Variants in ZNF853 observed in about 807,000 individuals in gnomAD.
ZNF853 encodes the protein zinc finger protein 853.
Under a neutral mutation model 94.7 loss-of-function variants are expected in ZNF853, and 57 were observed. The observed-to-expected ratio is 0.60, with a 90% CI of 0.49 to 0.75. The LOEUF is 0.75. Among genes scored for constraint, ZNF853 ranks in the 30% least tolerant of loss-of-function variants. The pLI is 0.00. For missense variants in ZNF853, 785 were observed against 868.9 expected (o/e 0.90, Z 1.21); for synonymous variants, 448 against 406.3 (o/e 1.10, Z -1.23).
At position 6,617,265 on chromosome 7, in the gene ZNF853, C is replaced by A; in HGVS notation, c.88C>A (p.Gln30Lys). 1.3e-6 allele frequency: 2 copies of A among 1,525,718 alleles called. No homozygotes were observed. The highest frequency in any genetic ancestry group is 1.8e-6 in the Non-Finnish European group (2 of 1,133,100). The allele number at this position is 1,525,718 out of a possible 1,614,324, so 94.5% of individuals were successfully genotyped here. A position where few individuals can be genotyped will look rare whatever the true frequency, so the allele number is the denominator to read the frequency against. Residue 30 changes from glutamine (Q) to lysine (K), a missense_variant, in exon 2 of 3, where the codon CAA (glutamine) becomes AAA (lysine). Transcript: ENST00000457543. ...CACCGAGACCTTCGTGCTGGAACTT[C>A]AATGTCTTGAGGATGGGGGCCCAGG... ...PATETFVLEL[Q>K]CLEDGGPGPD...
At chr7:6,617,730 G>A in intron 2 of ZNF853, 4 of 796,536 alleles carry the variant, frequency 5.0e-6, no homozygotes, top group Non-Finnish European at 4.6e-6. Context: ...CTTCTCCCCT[G>A]TGGCCTCGTA....
rs1157351541 is a variant in ZNF853 at position 6,621,923 on chromosome 7, C to T, written c.932C>T (p.Pro311Leu). The T allele has an allele frequency of 6.4e-7, 1 of 1,551,202 alleles. No homozygotes were observed. Among genetic ancestry groups the T allele is most frequent in the Non-Finnish European group, 8.7e-7 (1 of 1,146,938 alleles). Residue 311 changes from proline (P) to leucine (L), a missense_variant, in exon 3 of 3, where the codon CCC becomes CTC. Coordinates refer to ENST00000457543, the MANE Select transcript of ZNF853 (RefSeq NM_017560.3). ...QLQQQQLQPP[P>L]LEPEEEEEVE... ...CAGCAGCAACAACTGCAGCCTCCTC[C>T]CCTGGAGCCCGAGGAGGAGGAAGAG...
chr7:6,619,149 C>G, intron 2 of ZNF853, among the ~76,000 whole-genome samples: 2 of 151,524 alleles, frequency 1.3e-5, no homozygotes, highest in Non-Finnish European at 2.9e-5. Flanking sequence ...AAGCAGTTCT[C>G]CTGCTGCAGC....
In ZNF853 at chr7:6,621,417, C is replaced by A. The variant is rs1430106214; in HGVS notation, c.426C>A (p.His142Gln). 6.4e-7 allele frequency: 1 copy of A among 1,551,730 alleles called. No homozygotes were observed. The highest frequency in any genetic ancestry group is 2.4e-5 in the East Asian group (1 of 40,924). Residue 142 changes from histidine (H) to glutamine (Q), a missense_variant, in exon 3 of 3, where the codon CAC becomes CAA. Transcript: ENST00000457543. The stretch of plus-strand genomic sequence containing the variant: ...AACAGGAAAAACACCAATCCGTGCA[C>A]CATCAGGAACTGAAACCAGAACTGC... ...QLQQEKHQSV[H>Q]HQELKPELQL...
At position 6,621,203 on chromosome 7, in the gene ZNF853, C is replaced by G. The variant is rs1782591479; in HGVS notation, c.212C>G (p.Ala71Gly). The change falls in exon 3 of 3, where the codon GCC (alanine) becomes GGC (glycine). Residue 71 changes from alanine to glycine, a missense_variant. Ala to Gly is a moderately conservative substitution (Grantham distance 60, BLOSUM62 0). Transcript: ENST00000457543. ...AGTCCACAGCGGCCAGCAGTCTCGG[C>G]CCCAGTGGGGGCCAGTGAAATCGCT... ...NSSPQRPAVSAPVGASEIAEE... is the reference protein window; with the variant it reads ...NSSPQRPAVSGPVGASEIAEE... 1 of 1,527,334 alleles carries G rather than the reference C, an allele frequency of 6.5e-7. No individual in the cohort carries two copies. The highest frequency in any genetic ancestry group is 8.8e-7 in the Non-Finnish European group (1 of 1,135,040). 94.6% of individuals were successfully genotyped at this position (1,527,334 alleles called of 1,614,324 possible).
intron 2 of ZNF853, among the ~76,000 whole-genome samples, chr7:6,619,032 ATTTTTTTTTT>A: frequency 2.0e-4 from 17 of 86,874 alleles, no homozygotes; most frequent in African/African-American, 8.1e-4. Flanking sequence ...CCCTTGGTGG[ATTTTTTTTTT>A]TTTTTTTTTT....
chr7:6,616,286 C>T, intron 1 of ZNF853, 100 bp downstream of exon 1: 1 of 1,252,040 alleles, frequency 8.0e-7, no homozygotes, highest in South Asian at 1.4e-5. Context: ...GGGAGAGGGG[C>T]CAGCTCTGCA....
In ZNF853 at chr7:6,621,570, G is replaced by C; in HGVS notation, c.579G>C (p.Gln193His). 1 of 1,551,630 alleles carries C rather than the reference G, an allele frequency of 6.4e-7. No homozygotes were observed. Among genetic ancestry groups the C allele is most frequent in the South Asian group, 1.2e-5 (1 of 84,046 alleles). The change falls in exon 3 of 3, where the codon CAG (glutamine) becomes CAC (histidine). Residue 193 changes from glutamine to histidine, a missense_variant. Gln to His is a conservative substitution (Grantham distance 24, BLOSUM62 0). Coordinates refer to ENST00000457543, the MANE Select transcript of ZNF853 (RefSeq NM_017560.3). The stretch of plus-strand genomic sequence containing the variant: ...AACAGGTATTGCAGCAGCAGGAACA[G>C]CTACAGCAGCAAGTGCAAGAGCAAC... ...QEQQVLQQQE[Q>H]LQQQVQEQQL... is the part of the protein sequence containing the mutation.
intron 1 of ZNF853, among the ~76,000 whole-genome samples, chr7:6,616,505 C>T: frequency 6.6e-6 from 1 of 152,072 alleles, no homozygotes; most frequent in Non-Finnish European, 1.5e-5. Flanking sequence ...TTTAGGAGGC[C>T]GAGGCAGGAG....
At chr7:6,617,914 G>A in intron 2 of ZNF853, among the ~76,000 whole-genome samples, 1 of 152,128 alleles carries the variant, frequency 6.6e-6, no homozygotes, top group Non-Finnish European at 1.5e-5. Flanking sequence ...GTGCTTTAAG[G>A]GTGCTGAGTG....
Position 6,623,664 on chromosome 7 carries a change from C to T in ZNF853, c.*693C>T, listed in dbSNP as rs1376142700. 6 of 243,338 alleles carry T rather than the reference C, an allele frequency of 2.5e-5. No individual in the cohort carries two copies. The highest frequency in any genetic ancestry group is 3.9e-5 in the Non-Finnish European group (5 of 128,018). The allele number at this position is 243,338 out of a possible 1,614,324, so 15.1% of individuals were successfully genotyped here. A position where few individuals can be genotyped will look rare whatever the true frequency, so the allele number is the denominator to read the frequency against. On this transcript the variant is annotated 3_prime_UTR_variant, in exon 3 of 3. Coordinates refer to ENST00000457543, the MANE Select transcript of ZNF853 (RefSeq NM_017560.3). ...CTTCCCTCCAGGGAACCAGGGGCTC[C>T]GGCGGGCATCGGAGGCAGCTTCTTG...
rs1261811486 is a variant in ZNF853 at position 6,615,668 on chromosome 7, G to A, written c.-507G>A. 2.1e-5 allele frequency: 3 copies of A among 145,074 alleles called. No individual in the cohort carries two copies. The highest frequency in any genetic ancestry group is 6.8e-5 in the Admixed American group (1 of 14,660). 9.0% of individuals were successfully genotyped at this position (145,074 alleles called of 1,614,324 possible). On this transcript the variant is annotated 5_prime_UTR_variant, in exon 1 of 3. Coordinates refer to ENST00000457543, the MANE Select transcript of ZNF853 (RefSeq NM_017560.3). This position sits in a 1 kb window ranked among gnomAD's most constrained non-coding sequence, Gnocchi z 8.5. The stretch of plus-strand genomic sequence containing the variant: ...ACTCCCGGGCGGGCGGGCGAGCCCA[G>A]GGGGACCCGGCCTTGCCGCGGCGCC...
rs957439155 is a variant in ZNF853, at chr7:6,622,059, G to C, written c.1068G>C (p.Gln356His). 7.8e-5 allele frequency: 120 copies of C among 1,547,620 alleles called. No homozygotes were observed. The highest frequency in any genetic ancestry group is 9.9e-5 in the Non-Finnish European group (114 of 1,146,492). Residue 356 changes from glutamine (Q) to histidine (H), a missense_variant, in exon 3 of 3, where the codon CAG (glutamine) becomes CAC (histidine). Physicochemically the swap from Gln to His is conservative, Grantham distance 24. Transcript: ENST00000457543. The part of the protein sequence containing the change: ...QELERQQEQR[Q>H]LQLKLQEELQ... ...TGGAACGGCAGCAGGAGCAGCGGCA[G>C]CTGCAGCTCAAACTGCAGGAGGAGC...
Position 6,623,418 on chromosome 7 carries a change from C to T in ZNF853, c.*447C>T, listed in dbSNP as rs1255963307. The T allele has an allele frequency of 2.3e-5, 9 of 398,450 alleles. No homozygotes were observed. Among genetic ancestry groups the T allele is most frequent in the East Asian group, 1.4e-4 (4 of 28,072 alleles). The allele number at this position is 398,450 out of a possible 1,614,324, so 24.7% of individuals were successfully genotyped here. ...GTGAAAATGATCGCAAGGAGAAATT[C>T]GGGGAGGAAGCAAACTTGTTTGCAC... On this transcript the variant is annotated 3_prime_UTR_variant, in exon 3 of 3. Transcript: ENST00000457543.
In ZNF853 at chr7:6,622,039, C is replaced by G. The variant is rs999010675; in HGVS notation, c.1048C>G (p.Arg350Gly). ...GTTGGAGCGGCAGCAGGAGCTGGAA[C>G]GGCAGCAGGAGCAGCGGCAGCTGCA... The part of the protein sequence containing the change: ...QELERQQELE[R>G]QQEQRQLQLK... The change falls in exon 3 of 3, where the codon CGG (arginine) becomes GGG (glycine). Residue 350 changes from arginine to glycine, a missense_variant. Arg to Gly is a moderately radical substitution (Grantham distance 125). Coordinates refer to ENST00000457543, the MANE Select transcript of ZNF853 (RefSeq NM_017560.3). The G allele has an allele frequency of 2.6e-6, 4 of 1,548,350 alleles. No homozygotes were observed. Among genetic ancestry groups the G allele is most frequent in the Non-Finnish European group, 3.5e-6 (4 of 1,146,442 alleles).
rs970134755 is a variant in ZNF853, at chr7:6,623,444, T to C, written c.*473T>C. 1.4e-4 allele frequency: 54 copies of C among 398,252 alleles called. No individual in the cohort carries two copies. The highest frequency in any genetic ancestry group is 2.3e-4 in the Non-Finnish European group (51 of 226,046). The allele number at this position is 398,252 out of a possible 1,614,324, so 24.7% of individuals were successfully genotyped here. A position where few individuals can be genotyped will look rare whatever the true frequency, so the allele number is the denominator to read the frequency against. ...GGGGAGGAAGCAAACTTGTTTGCACTATGTAGAAACTGACCAAGGCATCGA... is the reference window on the plus strand; with the variant it reads ...GGGGAGGAAGCAAACTTGTTTGCACCATGTAGAAACTGACCAAGGCATCGA... On this transcript the variant is annotated 3_prime_UTR_variant, in exon 3 of 3. Transcript: ENST00000457543.
Position 6,622,851 on chromosome 7 carries a change from C to A in ZNF853, c.1860C>A (p.His620Gln). Residue 620 changes from histidine to glutamine, a missense_variant, in exon 3 of 3, where the codon CAC (histidine) becomes CAA (glutamine). Physicochemically the swap from His to Gln is conservative, Grantham distance 24 (BLOSUM62 0). Transcript: ENST00000457543. ...TCCGCCGCCACGAGCGCCAGCTGCA[C>A]GGCGCGGGCCGCTCCAGGGGCCTCG... ...VQIRRHERQL[H>Q]GAGRSRGLGL... is the part of the protein sequence containing the mutation. 6.8e-7 allele frequency: 1 copy of A among 1,471,782 alleles called. No individual in the cohort carries two copies. The highest frequency in any genetic ancestry group is 9.0e-7 in the Non-Finnish European group (1 of 1,115,522). The allele number at this position is 1,471,782 out of a possible 1,614,324, so 91.2% of individuals were successfully genotyped here. A position where few individuals can be genotyped will look rare whatever the true frequency, so the allele number is the denominator to read the frequency against.
chr7:6,619,915 G>A, intron 2 of ZNF853, among the ~76,000 whole-genome samples: 2 of 152,210 alleles, frequency 1.3e-5, no homozygotes, highest in Non-Finnish European at 2.9e-5. Context: ...ACCACGCCCA[G>A]CCTAGTTAGT....
At position 6,622,131 on chromosome 7, in the gene ZNF853, G is replaced by A. The variant is rs1170079367; in HGVS notation, c.1140G>A (p.Glu380=). The part of the protein sequence containing the change: ...QQLEQQQQQL[E]QQEVQLELTP... ...TGGAGCAGCAGCAGCAGCAGCTGGA[G>A]CAGCAGGAGGTGCAGCTGGAGCTGA... is the stretch of plus-strand genomic sequence containing the variant. The change falls in exon 3 of 3, where the codon GAG becomes GAA. Residue 380 remains glutamate, a synonymous_variant. Coordinates refer to ENST00000457543, the MANE Select transcript of ZNF853 (RefSeq NM_017560.3). The A allele has an allele frequency of 5.2e-6, 8 of 1,544,890 alleles. No individual in the cohort carries two copies. The highest frequency in any genetic ancestry group is 2.4e-5 in the East Asian group (1 of 40,936).
Sources: gnomAD v4.1 joint callset for allele counts (sites outside exome capture counted in the v4.1 genomes callset) on GRCh38, gnomAD v4.1.1 for gene constraint, Gnocchi (gnomAD v3.1) non-coding constraint, MANE v1.5 for transcripts, NCBI Gene and HGNC (gene_info 2026-07-23, HGNC 2026-07-21) for gene names.